Variants in CTNNA1 observed in about 807,000 individuals in gnomAD.
CTNNA1 encodes catenin alpha-1.
CTNNA1 carries 37 observed loss-of-function variants against 98.4 expected under a neutral mutation model. That is an observed-to-expected ratio of 0.38 (90% CI 0.29 to 0.49). The LOEUF (loss-of-function observed/expected upper bound fraction) is 0.49. CTNNA1 is among the 20% of genes least tolerant of loss of function. CTNNA1 has a pLI of 0.95. For synonymous variants in CTNNA1, 404 were observed against 413.2 expected (o/e 0.98, Z 0.27); for missense variants, 761 against 1,147.2 (o/e 0.66, Z 4.86).
chr5:138,869,366 C>CT (rs1434725048), intron 7 of CTNNA1: 6 of 147,060 alleles, frequency 4.1e-5, no homozygotes, highest in African/African-American at 1.5e-4. Context: ...GCCTTACTGT[C>CT]TCTCTCTCTT....
intron 1 of CTNNA1, among the ~76,000 whole-genome samples, chr5:138,756,781 T>C (rs1401752750): frequency 6.6e-6 from 1 of 152,168 alleles, no homozygotes; most frequent in African/African-American, 2.4e-5. Context: ...AGACTCCTGC[T>C]AGTGCTTGGA....
chr5:138,916,753 A>C (rs1761875720), intron 10 of CTNNA1, among the ~76,000 whole-genome samples: 1 of 148,130 alleles, frequency 6.8e-6, no homozygotes, highest in Non-Finnish European at 1.5e-5. Flanking sequence ...ATTAATATTT[A>C]TTTATTTTTA....
intron 3 of CTNNA1, among the ~76,000 whole-genome samples, chr5:138,799,146 C>T (rs760524535): frequency 3.9e-5 from 6 of 151,946 alleles, no homozygotes; most frequent in Non-Finnish European, 8.8e-5. Context: ...GCTGAGCCAT[C>T]GTGCCCAGCC....
chr5:138,902,620 C>T (rs978502109), intron 9 of CTNNA1, among the ~76,000 whole-genome samples: 1 of 152,160 alleles, frequency 6.6e-6, no homozygotes, highest in East Asian at 1.9e-4. Context: ...GGGGTTTCAC[C>T]GTGTTAGCCA....
At chr5:138,799,961 A>G (rs1201088775) in intron 3 of CTNNA1, among the ~76,000 whole-genome samples, 1 of 152,058 alleles carries the variant, frequency 6.6e-6, no homozygotes, top group Non-Finnish European at 1.5e-5. Flanking sequence ...CAGTGGTGCC[A>G]TCTCGGCTCA....
At chr5:138,819,255 G>C (rs751474450) in intron 5 of CTNNA1, among the ~76,000 whole-genome samples, 2 of 152,154 alleles carry the variant, frequency 1.3e-5, no homozygotes, top group African/African-American at 2.4e-5. Context: ...GTGAAGCCAG[G>C]TGCAACAGCA....
chr5:138,753,721 A>C, intron 1 of CTNNA1: 1 of 309,088 alleles, frequency 3.2e-6, no homozygotes, highest in East Asian at 5.0e-5. Flanking sequence ...GGGCCCGAGT[A>C]TGGGGCCCGG....
chr5:138,763,527 A>G (rs932467701), intron 1 of CTNNA1, among the ~76,000 whole-genome samples: 2 of 152,138 alleles, frequency 1.3e-5, no homozygotes, highest in Admixed American at 6.6e-5. Flanking sequence ...CATTTTTAGT[A>G]GAGACAGGTC....
intron 7 of CTNNA1, chr5:138,872,844 T>C: frequency 2.0e-6 from 1 of 512,160 alleles, no homozygotes; most frequent in East Asian, 3.0e-5. Flanking sequence ...TAAAATATGG[T>C]TTCATTTAAA....
At chr5:138,905,111 A>AATACATACATACATAC (rs58678514) in intron 10 of CTNNA1, among the ~76,000 whole-genome samples, 2,520 of 139,250 alleles carry the variant, frequency 0.018, 38 homozygotes, top group Non-Finnish European at 0.028. Context: ...AAAAAAAAAA[A>AATACATACATACATAC]ATACATACAT....
intron 5 of CTNNA1, among the ~76,000 whole-genome samples, chr5:138,821,044 ATTTG>A (rs991253137): frequency 2.0e-5 from 3 of 152,212 alleles, no homozygotes; most frequent in Non-Finnish European, 2.9e-5. Flanking sequence ...TTCAATAAAT[ATTTG>A]TTTAACAACT....
At chr5:138,858,602 T>TTTC (rs1561601827) in intron 7 of CTNNA1, among the ~76,000 whole-genome samples, 15 of 145,918 alleles carry the variant, frequency 1.0e-4, no homozygotes, top group African/African-American at 3.8e-4. Context: ...TTCTTTTTTT[T>TTTC]TTTTTTTTTT....
intron 11 of CTNNA1, among the ~76,000 whole-genome samples, chr5:138,923,289 A>C (rs909487447): frequency 2.6e-5 from 4 of 152,210 alleles, no homozygotes; most frequent in Non-Finnish European, 5.9e-5. Flanking sequence ...ATGGGCTCCA[A>C]ATCCATTTAT....
At chr5:138,774,845 G>C (rs924930737) in intron 1 of CTNNA1, among the ~76,000 whole-genome samples, 32 of 152,010 alleles carry the variant, frequency 2.1e-4, no homozygotes, top group Non-Finnish European at 4.4e-4. Flanking sequence ...TCCTGACCTC[G>C]TGATCCGCCC....
chr5:138,904,366 T>C lies in CTNNA1; in HGVS notation c.1314T>C (p.Cys438=). 6.2e-7 allele frequency: 1 copy of C among 1,613,938 alleles called. No individual in the cohort carries two copies. The highest frequency in any genetic ancestry group is 8.5e-7 in the Non-Finnish European group (1 of 1,179,912). The change falls in exon 10 of 18, where the codon TGT becomes TGC. Residue 438 remains cysteine, a synonymous_variant. Coordinates refer to ENST00000302763, the MANE Select transcript of CTNNA1 (RefSeq NM_001903.5). ...NKLIEVANLA[C]SISNNEEGVK... is the part of the protein sequence containing the mutation. ...GTTTATAGGTTGCCAACTTGGCCTGTTCCATCTCAAATAATGAAGAAGGTG... is the reference window on the plus strand; with the variant it reads ...GTTTATAGGTTGCCAACTTGGCCTGCTCCATCTCAAATAATGAAGAAGGTG...
intron 10 of CTNNA1, among the ~76,000 whole-genome samples, chr5:138,914,932 G>A (rs183524753): frequency 0.01 from 1,596 of 152,126 alleles, 25 homozygotes; most frequent in African/African-American, 0.037. Context: ...TGGATCACAA[G>A]GTCAGGAGAT....
At chr5:138,871,584 G>C (rs943412264) in intron 7 of CTNNA1, 15 of 152,170 alleles carry the variant, frequency 9.9e-5, no homozygotes, top group African/African-American at 3.6e-4. Flanking sequence ...TTCCCTGTTT[G>C]GTGCAGATTG....
At chr5:138,933,208 AGGGT>A (rs1279872353) in intron 17 of CTNNA1, among the ~76,000 whole-genome samples, 3 of 152,154 alleles carry the variant, frequency 2.0e-5, no homozygotes, top group African/African-American at 7.2e-5. Context: ...AGACATAGAT[AGGGT>A]GTTTTCTCAA....
At chr5:138,897,639 G>A (rs778211133) in intron 9 of CTNNA1, among the ~76,000 whole-genome samples, 1 of 152,086 alleles carries the variant, frequency 6.6e-6, no homozygotes, top group Admixed American at 6.6e-5. Context: ...AGCTGTCCTT[G>A]GGGAGAATGC....
Sources: gnomAD v4.1 joint callset for allele counts (sites outside exome capture counted in the v4.1 genomes callset) on GRCh38, gnomAD v4.1.1 for gene constraint, MANE v1.5 for transcripts, NCBI Gene and HGNC (gene_info 2026-07-23, HGNC 2026-07-21) for gene names.